Variants in GPR158 observed in about 807,000 individuals in gnomAD.
GPR158 encodes the protein metabotropic glycine receptor.
GPR158 carries 30 observed loss-of-function variants against 78.2 expected under a neutral mutation model. The observed-to-expected ratio is 0.38, with a 90% CI of 0.29 to 0.52. GPR158 has a LOEUF of 0.52. GPR158 is among the 20% of genes least tolerant of loss of function. GPR158 has a pLI of 0.83. For synonymous variants in GPR158, 581 were observed against 591.1 expected (o/e 0.98, Z 0.25); for missense variants, 1,463 against 1,523.5 (o/e 0.96, Z 0.66).
chr10:25,501,860 G>T (rs570547100), intron 5 of GPR158, among the ~76,000 whole-genome samples: 1 of 152,106 alleles, frequency 6.6e-6, no homozygotes, highest in Admixed American at 6.5e-5. Flanking sequence ...CCCAACTTAC[G>T]TGGCTAATTT....
At chr10:25,466,575 G>T in intron 4 of GPR158, 76 bp from the exon 5 acceptor site, 1 of 884,970 alleles carries the variant, frequency 1.1e-6, no homozygotes, top group South Asian at 1.5e-5. Flanking sequence ...CTGCATTGTG[G>T]CATTTTCACA....
At chr10:25,507,795 A>C (rs1309259038) in intron 5 of GPR158, among the ~76,000 whole-genome samples, 2 of 152,262 alleles carry the variant, frequency 1.3e-5, no homozygotes. Context: ...TTTGACACAC[A>C]AAAGAAGTCA....
chr10:25,439,887 C>T (rs1275815136), intron 4 of GPR158, among the ~76,000 whole-genome samples: 2 of 152,126 alleles, frequency 1.3e-5, no homozygotes, highest in East Asian at 1.9e-4. Flanking sequence ...GTTAAAATCA[C>T]GGGTCTCTAA....
chr10:25,227,602 T>C (rs953577049), intron 2 of GPR158, among the ~76,000 whole-genome samples: 12 of 152,190 alleles, frequency 7.9e-5, no homozygotes, highest in African/African-American at 2.9e-4. Flanking sequence ...GTTAATAAGG[T>C]ATAGGCTATT....
rs16925894 is a variant in GPR158, at chr10:25,457,533, T to C, written c.1336-9118T>C. Among the ~76,000 whole-genome samples, 8,470 of 152,114 alleles carry C rather than the reference T, an allele frequency of 0.056. 1,104 individuals carry two copies. In the East Asian group the frequency reaches 0.58, roughly 10 times the overall value. The stretch of plus-strand genomic sequence containing the variant: ...GAAAAAGGAATTTGAAGGTCACAAA[T>C]AGATTACAGAGAAGTAGCAGCTAAT... On this transcript the variant is annotated intron_variant, in intron 4 of 10. Transcript: ENST00000376351.
At chr10:25,453,879 G>A (rs1335150061) in intron 4 of GPR158, among the ~76,000 whole-genome samples, 2 of 152,066 alleles carry the variant, frequency 1.3e-5, no homozygotes, top group Non-Finnish European at 2.9e-5. Context: ...CTCCAACTTT[G>A]TTCTTTTGAC....
intron 2 of GPR158, among the ~76,000 whole-genome samples, chr10:25,254,431 T>C (rs1364929642): frequency 6.6e-6 from 1 of 152,170 alleles, no homozygotes; most frequent in Non-Finnish European, 1.5e-5. Context: ...GTTTAAATAT[T>C]AATTTCTCTG....
intron 4 of GPR158, among the ~76,000 whole-genome samples, chr10:25,439,108 A>T (rs1218156330): frequency 6.6e-6 from 1 of 152,194 alleles, no homozygotes; most frequent in Non-Finnish European, 1.5e-5. Flanking sequence ...AAAGTCTTGT[A>T]TTAGTCCATT....
Position 25,600,096 on chromosome 10 carries a change from G to GT in GPR158, c.*828dup, listed in dbSNP as rs1277966978. ...GGTTTGTTATACTGTCTTAATCAGG[G>GT]TTTTTTATACAAGTTGAGTTACTTG... On this transcript the variant is annotated 3_prime_UTR_variant, in exon 11 of 11. Transcript: ENST00000376351. The GT allele has an allele frequency of 6.6e-6, 1 of 152,562 alleles. No individual in the cohort carries two copies. The allele number at this position is 152,562 out of a possible 1,614,324, so 9.5% of individuals were successfully genotyped here.
In GPR158 at chr10:25,315,164, G is replaced by A. The variant is rs151174851; in HGVS notation, c.1009-80747G>A. ...AATTTGAAGCTTAATTGATTACAGA[G>A]TTTTGGTCTGCTATTTCTTTACTTT... On this transcript the variant is annotated intron_variant, in intron 2 of 10. Transcript: ENST00000376351. 7.1e-3 allele frequency among the ~76,000 whole-genome samples: 1,078 copies of A among 151,970 alleles called. 46 individuals carry two copies. The highest frequency in any genetic ancestry group is 0.061 in the Admixed American group (927 of 15,256).
chr10:25,287,435 G>A (rs1025711839), intron 2 of GPR158, among the ~76,000 whole-genome samples: 1 of 152,042 alleles, frequency 6.6e-6, no homozygotes, highest in Admixed American at 6.6e-5. Context: ...AGCCTTGAAG[G>A]ATGCTATCTT....
Position 25,175,588 on chromosome 10 carries a change from C to A in GPR158, c.168C>A (p.Asp56Glu). The change falls in exon 1 of 11, where the codon GAC becomes GAA. Residue 56 changes from aspartate to glutamate, a missense_variant. Transcript: ENST00000376351. The surrounding 1 kb of genome is among the most constrained non-coding windows in gnomAD (Gnocchi z 6.4). Reference sequence around the variant, plus strand: ...AGCCGGGTCGAGCCTCTGCCTCGGACTCCTCGGCTCCCTGGAGCCGCTCCA... The same window carrying A: ...AGCCGGGTCGAGCCTCTGCCTCGGAATCCTCGGCTCCCTGGAGCCGCTCCA... Reference protein sequence around the residue: ...AQQPGRASASDSSAPWSRSTD... With the variant: ...AQQPGRASASESSAPWSRSTD... 6.2e-7 allele frequency: 1 copy of A among 1,610,904 alleles called. No homozygotes were observed. Among genetic ancestry groups the A allele is most frequent in the Non-Finnish European group, 8.5e-7 (1 of 1,179,798 alleles).
chr10:25,549,298 T>C (rs561527323), intron 5 of GPR158, among the ~76,000 whole-genome samples: 1 of 152,242 alleles, frequency 6.6e-6, no homozygotes, highest in Non-Finnish European at 1.5e-5. Context: ...CTCCCCCTTT[T>C]AGCTTCAAGT....
intron 2 of GPR158, among the ~76,000 whole-genome samples, chr10:25,390,013 T>TA (rs1834272205): frequency 1.3e-5 from 2 of 152,294 alleles, no homozygotes; most frequent in African/African-American, 4.8e-5. Flanking sequence ...TTTGATGGTT[T>TA]TATAAAGGGC....
intron 2 of GPR158, among the ~76,000 whole-genome samples, chr10:25,277,499 C>T (rs1357787659): frequency 2.6e-5 from 4 of 151,674 alleles, no homozygotes; most frequent in Non-Finnish European, 4.4e-5. Flanking sequence ...AGAGACAGAG[C>T]CCATCCCCAA....
At chr10:25,517,612 T>G (rs1230144215) in intron 5 of GPR158, among the ~76,000 whole-genome samples, 1 of 152,158 alleles carries the variant, frequency 6.6e-6, no homozygotes, top group African/African-American at 2.4e-5. Flanking sequence ...AGGCCTTTTC[T>G]GCATCTATTG....
At chr10:25,532,839 A>G (rs1836444808) in intron 5 of GPR158, among the ~76,000 whole-genome samples, 1 of 152,000 alleles carries the variant, frequency 6.6e-6, no homozygotes, top group South Asian at 2.1e-4. Flanking sequence ...GATAGTCTTC[A>G]TGGTCTATTG....
intron 1 of GPR158, among the ~76,000 whole-genome samples, chr10:25,203,065 G>A (rs1852958303): frequency 2.0e-5 from 3 of 152,200 alleles, no homozygotes; most frequent in Admixed American, 2.0e-4. Flanking sequence ...TTTGAGAAGT[G>A]TCTGTTCATA....
chr10:25,500,179 G>A (rs959355825), intron 5 of GPR158, among the ~76,000 whole-genome samples: 2 of 152,230 alleles, frequency 1.3e-5, no homozygotes, highest in Non-Finnish European at 2.9e-5. Context: ...TACGACAGAT[G>A]TGTGTTTGAA....
Sources: allele counts gnomAD v4.1 joint callset (sites outside exome capture counted in the v4.1 genomes callset), GRCh38; gene constraint gnomAD v4.1.1; non-coding constraint Gnocchi (gnomAD v3.1); transcripts MANE v1.5; gene names NCBI Gene and HGNC (gene_info 2026-07-23, HGNC 2026-07-21).